ZDHHC15: variants seen among roughly 807,000 people sequenced by gnomAD.
ZDHHC15 encodes the protein zDHHC palmitoyltransferase 15.
Under a neutral mutation model 31.7 loss-of-function variants are expected in ZDHHC15, and 19 were observed. That is an observed-to-expected ratio of 0.60 (90% confidence interval 0.42 to 0.88). The LOEUF is 0.88. Ranked by LOEUF, ZDHHC15 falls within the 40% of genes least tolerant of loss-of-function variation. The pLI is 0.00. For missense variants in ZDHHC15, 209 were observed against 251.2 expected (o/e 0.83, Z 1.14); for synonymous variants, 103 against 90.0 (o/e 1.14, Z -0.82).
At chrX:75,482,596 T>C (rs1030016376) in intron 2 of ZDHHC15, among the ~76,000 whole-genome samples, 7 of 111,641 alleles carry the variant, frequency 6.3e-5, no homozygotes, top group African/African-American at 1.9e-4. Context: ...ACCAATTCTT[T>C]GGGAGTAGTG....
rs1014983886 is a variant in ZDHHC15, at chrX:75,443,331, G to A, written c.379+7471C>T. ...TAATGCCACACATCTACAACTATCT[G>A]ATCTTTGACAAACCTGAAAAAAAGA... On this transcript the variant is annotated intron_variant, in intron 4 of 11. Coordinates refer to ENST00000373367, the MANE Select transcript of ZDHHC15 (RefSeq NM_144969.3). 3.6e-5 allele frequency among the ~76,000 whole-genome samples: 4 copies of A among 110,863 alleles called. No individual in the cohort carries two copies. In the Admixed American group the frequency reaches 3.8e-4, roughly 11 times the overall value.
intron 10 of ZDHHC15, among the ~76,000 whole-genome samples, chrX:75,393,070 C>T (rs1180354835): frequency 2.7e-5 from 3 of 110,795 alleles, no homozygotes; most frequent in Non-Finnish European, 5.7e-5. Context: ...CTAACAGACG[C>T]CCTAATGGAT....
chrX:75,410,218 A>T (rs1352436680), intron 10 of ZDHHC15, among the ~76,000 whole-genome samples: 1 of 111,734 alleles, frequency 8.9e-6, no homozygotes, highest in Non-Finnish European at 1.9e-5. Flanking sequence ...TTGGGATTAC[A>T]TAAAGGTAAA....
intron 2 of ZDHHC15, among the ~76,000 whole-genome samples, chrX:75,498,508 G>T (rs1489412793): frequency 9.0e-6 from 1 of 111,449 alleles, no homozygotes; most frequent in Non-Finnish European, 1.9e-5. Context: ...CCCAAGCTGA[G>T]AATCAAATCA....
chrX:75,476,457 G>C (rs1350158391), intron 3 of ZDHHC15, among the ~76,000 whole-genome samples: 1 of 110,427 alleles, frequency 9.1e-6, no homozygotes, highest in Non-Finnish European at 1.9e-5. Context: ...CTTTCTAAAA[G>C]TTTTTCCATT....
chrX:75,517,515 G>C (rs747654142), intron 1 of ZDHHC15, among the ~76,000 whole-genome samples: 1,328 of 98,733 alleles, frequency 0.013, 39 homozygotes, highest in African/African-American at 0.048. Flanking sequence ...CATGTTCTCA[G>C]TCATAGGTGC....
At chrX:75,381,609 A>G (rs2083115629) in intron 10 of ZDHHC15, among the ~76,000 whole-genome samples, 1 of 111,744 alleles carries the variant, frequency 8.9e-6, no homozygotes, top group South Asian at 3.7e-4. Context: ...ATCACTCAAG[A>G]TCATAAACTT....
chrX:75,520,542 C>T (rs1411876580), intron 1 of ZDHHC15, among the ~76,000 whole-genome samples: 1 of 111,395 alleles, frequency 9.0e-6, no homozygotes, highest in African/African-American at 3.3e-5. Context: ...TGGTGAAGCT[C>T]ATATGAGTCA....
chrX:75,395,673 T>C (rs1268344371), intron 10 of ZDHHC15, among the ~76,000 whole-genome samples: 2 of 111,371 alleles, frequency 1.8e-5, no homozygotes, highest in African/African-American at 3.3e-5. Flanking sequence ...ACATCCTTCA[T>C]AGAAATAGGA....
chrX:75,411,129 T>C (rs1165120073), intron 10 of ZDHHC15, among the ~76,000 whole-genome samples: 1 of 111,853 alleles, frequency 8.9e-6, no homozygotes, highest in Non-Finnish European at 1.9e-5. Flanking sequence ...GATTAATGGG[T>C]GTAAGTATAC....
chrX:75,426,863 A>G (rs758645990), intron 7 of ZDHHC15, among the ~76,000 whole-genome samples: 1 of 111,419 alleles, frequency 9.0e-6, no homozygotes, highest in South Asian at 3.8e-4. Flanking sequence ...GGAAATTTAC[A>G]AGCTGGGTGA....
intron 10 of ZDHHC15, among the ~76,000 whole-genome samples, chrX:75,412,799 G>C (rs1478458060): frequency 4.5e-5 from 5 of 111,722 alleles, no homozygotes; most frequent in African/African-American, 1.6e-4. Flanking sequence ...GGAGGATAAT[G>C]TTAAGTGGTA....
rs768218374 is a variant in ZDHHC15 at position 75,405,711 on chromosome X, A to G, written c.967+11376T>C. ...AAAGGAAGAGATAGACTGCAATAAAATAACAGTAGGGCAGTTTAACACCCC... is the reference window on the plus strand; with the variant it reads ...AAAGGAAGAGATAGACTGCAATAAAGTAACAGTAGGGCAGTTTAACACCCC... On this transcript the variant is annotated intron_variant, in intron 10 of 11. Coordinates refer to ENST00000373367, the MANE Select transcript of ZDHHC15 (RefSeq NM_144969.3). Among the ~76,000 whole-genome samples the G allele has an allele frequency of 8.9e-5, 10 of 112,180 alleles. No individual in the cohort carries two copies. In the East Asian group the frequency reaches 1.1e-3, roughly 13 times the overall value.
chrX:75,369,043 G>T lies in ZDHHC15; in HGVS notation c.*3935C>A, dbSNP rs1039746911. 5.4e-5 allele frequency: 6 copies of T among 111,452 alleles called. No individual in the cohort carries two copies. Among genetic ancestry groups the T allele is most frequent in the Admixed American group, 2.9e-4 (3 of 10,464 alleles). The allele number at this position is 111,452 out of a possible 1,213,427, so 9.2% of individuals were successfully genotyped here. On this transcript the variant is annotated 3_prime_UTR_variant, in exon 12 of 12. Coordinates refer to ENST00000373367, the MANE Select transcript of ZDHHC15 (RefSeq NM_144969.3). Reference sequence around the variant, plus strand: ...CATACCTCATCAACCAATTCCTAACGAGATGGAACTCATTAATTTTCTAAG... The same window carrying T: ...CATACCTCATCAACCAATTCCTAACTAGATGGAACTCATTAATTTTCTAAG...
At chrX:75,389,904 G>T (rs978246033) in intron 10 of ZDHHC15, among the ~76,000 whole-genome samples, 1 of 112,321 alleles carries the variant, frequency 8.9e-6, no homozygotes, top group South Asian at 3.7e-4. Context: ...CACCAAGCAG[G>T]CTCTTGGGTT....
intron 2 of ZDHHC15, among the ~76,000 whole-genome samples, chrX:75,479,564 G>A (rs2084657486): frequency 9.0e-6 from 1 of 111,396 alleles, no homozygotes; most frequent in South Asian, 3.8e-4. Context: ...TACATGCATA[G>A]GTTGCACAGT....
At chrX:75,444,681 TATATATACACACAC>T (rs1423869085) in intron 4 of ZDHHC15, among the ~76,000 whole-genome samples, 23 of 39,708 alleles carry the variant, frequency 5.8e-4, no homozygotes, top group African/African-American at 1.9e-3. Flanking sequence ...TATATATATA[TATATATACACACAC>T]ACACACACAC....
intron 3 of ZDHHC15, among the ~76,000 whole-genome samples, chrX:75,463,963 C>T (rs1354261279): frequency 1.8e-5 from 2 of 111,918 alleles, no homozygotes; most frequent in East Asian, 2.8e-4. Context: ...ATAAATCATG[C>T]TGCTATAAAG....
At chrX:75,430,890 G>A (rs2083771456) in intron 5 of ZDHHC15, among the ~76,000 whole-genome samples, 1 of 111,072 alleles carries the variant, frequency 9.0e-6, no homozygotes, top group South Asian at 3.9e-4. Flanking sequence ...TCAATCAAGG[G>A]ACACTCTATG....
Sources: gnomAD v4.1 joint callset for allele counts (sites outside exome capture counted in the v4.1 genomes callset) on GRCh38, gnomAD v4.1.1 for gene constraint, MANE v1.5 for transcripts, NCBI Gene and HGNC (gene_info 2026-07-23, HGNC 2026-07-21) for gene names.